The following ANGPTL3 variants were observed in gnomAD, a reference collection of about 807,000 sequenced individuals.
ANGPTL3 encodes the protein angiopoietin-related protein 3.
A neutral mutation model predicts 52.7 loss-of-function variants in ANGPTL3; 51 were observed. That is an observed-to-expected ratio of 0.97 (90% CI 0.77 to 1.22). The LOEUF (loss-of-function observed/expected upper bound fraction) is 1.22, where lower values mean the gene tolerates loss of function less well. Ranked by LOEUF, ANGPTL3 falls within the 50% of genes most tolerant of loss-of-function variation. The pLI is 0.00. For missense variants in ANGPTL3, 506 were observed against 520.7 expected (o/e 0.97, Z 0.27); for synonymous variants, 185 against 179.8 (o/e 1.03, Z -0.23).
At position 62,605,769 on chromosome 1, in the gene ANGPTL3, A is replaced by G. The variant is rs1292343032; in HGVS notation, c.*952A>G. 1.3e-5 allele frequency: 2 copies of G among 152,374 alleles called. No individual in the cohort carries two copies. Among genetic ancestry groups the G allele is most frequent in the East Asian group, 3.8e-4 (2 of 5,198 alleles). The allele number at this position is 152,374 out of a possible 1,614,324, so 9.4% of individuals were successfully genotyped here. On this transcript the variant is annotated 3_prime_UTR_variant, in exon 7 of 7. Transcript: ENST00000371129. ...ATATATGTTTAAAATTCAATAAACA[A>G]AGACCCAGTCCCTAAATTATAGAAA...
At position 62,604,079 on chromosome 1, in the gene ANGPTL3, T is replaced by G; in HGVS notation, c.1042T>G (p.Ser348Ala). ...WKDNKHYIEY[S>A]FYLGNHETNY... ...AGACAACAAACATTATATTGAATAT[T>G]CTTTTTACTTGGGAAATCACGAAAC... Residue 348 changes from serine to alanine, a missense_variant, in exon 6 of 7, where the codon TCT becomes GCT. Ser to Ala is a moderately conservative substitution (Grantham distance 99, BLOSUM62 1). Transcript: ENST00000371129. The G allele has an allele frequency of 6.2e-7, 1 of 1,613,332 alleles. No individual in the cohort carries two copies. Among genetic ancestry groups the G allele is most frequent in the Non-Finnish European group, 8.5e-7 (1 of 1,179,436 alleles).
Position 62,598,038 on chromosome 1 carries a change from C to T in ANGPTL3, c.472C>T (p.His158Tyr), listed in dbSNP as rs1649542440. ...LIQNQPETPEHPEVTSLKTFV... is the reference protein window; with the variant it reads ...LIQNQPETPEYPEVTSLKTFV... ...TCAAAATCAACCTGAAACTCCAGAA[C>T]ACCCAGAAGTAACTTCACTTAAAGT... Residue 158 changes from histidine to tyrosine, a missense_variant, in exon 1 of 7, where the codon CAC (histidine) becomes TAC (tyrosine). Transcript: ENST00000371129. The T allele has an allele frequency of 3.2e-6, 5 of 1,584,796 alleles. No individual in the cohort carries two copies. Among genetic ancestry groups the T allele is most frequent in the Middle Eastern group, 1.7e-4 (1 of 5,828 alleles).
At position 62,600,976 on chromosome 1, in the gene ANGPTL3, C is replaced by T. The variant is rs919333784; in HGVS notation, c.607-106C>T. 8 of 726,258 alleles carry T rather than the reference C, an allele frequency of 1.1e-5. No individual in the cohort carries two copies. In the African/African-American group the frequency reaches 1.2e-4, roughly 11 times the overall value. The allele number at this position is 726,258 out of a possible 1,614,324, so 45.0% of individuals were successfully genotyped here. A position where few individuals can be genotyped will look rare whatever the true frequency, so the allele number is the denominator to read the frequency against. On this transcript the variant is annotated intron_variant, in intron 2 of 6. Transcript: ENST00000371129. ...ATCTAAATATCAAACACCGTTATAA[C>T]ATTATGAACTGAAAGACAAACTGTA...
Position 62,604,785 on chromosome 1 carries a change from A to G in ANGPTL3, c.1351A>G (p.Ile451Val). Reference protein sequence around the residue: ...LYSIKSTKMLIHPTDSESFE With the variant: ...LYSIKSTKMLVHPTDSESFE ...CTCTATAAAATCAACCAAAATGTTGATCCATCCAACAGATTCAGAAAGCTT... is the reference window on the plus strand; with the variant it reads ...CTCTATAAAATCAACCAAAATGTTGGTCCATCCAACAGATTCAGAAAGCTT... Residue 451 changes from isoleucine to valine, a missense_variant, in exon 7 of 7, where the codon ATC becomes GTC. Transcript: ENST00000371129. 6.2e-7 allele frequency: 1 copy of G among 1,613,114 alleles called. No individual in the cohort carries two copies. Among genetic ancestry groups the G allele is most frequent in the Non-Finnish European group, 8.5e-7 (1 of 1,179,324 alleles).
At position 62,601,142 on chromosome 1, in the gene ANGPTL3, C is replaced by T. The variant is rs1232979034; in HGVS notation, c.667C>T (p.Pro223Ser). ...EISLSSKPRA[P>S]RTTPFLQLNE... is the part of the protein sequence containing the mutation. The stretch of plus-strand genomic sequence containing the variant: ...TTCTCTATCTTCCAAGCCAAGAGCA[C>T]CAAGAACTACTCCCTTTCTTCAGTT... The change falls in exon 3 of 7, where the codon CCA (proline) becomes TCA (serine). Residue 223 changes from proline to serine, a missense_variant. Pro to Ser is a moderately conservative substitution (Grantham distance 74, BLOSUM62 -1). Transcript: ENST00000371129. The T allele has an allele frequency of 3.4e-5, 55 of 1,610,896 alleles. No homozygotes were observed. The highest frequency in any genetic ancestry group is 4.3e-5 in the Non-Finnish European group (51 of 1,177,744).
In ANGPTL3 at chr1:62,602,183, C is replaced by T. The variant is rs549019495; in HGVS notation, c.836-102C>T. ...GTATTGCCATAACATTAATAAACTA[C>T]CTTACAAAACCACCAATTAAAATCA... is the stretch of plus-strand genomic sequence containing the variant. On this transcript the variant is annotated intron_variant, in intron 4 of 6. Coordinates refer to ENST00000371129, the MANE Select transcript of ANGPTL3 (RefSeq NM_014495.4). 1.1e-4 allele frequency: 103 copies of T among 939,372 alleles called. No homozygotes were observed. The East Asian group carries it at 1.8e-3, about 17-fold the overall frequency. 58.2% of individuals were successfully genotyped at this position (939,372 alleles called of 1,614,324 possible).
intron 5 of ANGPTL3, among the ~76,000 whole-genome samples, chr1:62,603,726 T>C (rs1650501736): frequency 1.3e-5 from 2 of 151,880 alleles, no homozygotes; most frequent in African/African-American, 4.8e-5. Context: ...ACATGTCTTG[T>C]CATATGCATT....
intron 4 of ANGPTL3, 144 bp from the exon 5 acceptor site, chr1:62,602,141 A>C: frequency 2.8e-6 from 2 of 719,380 alleles, no homozygotes; most frequent in Non-Finnish European, 4.5e-6. Flanking sequence ...TTTTGGGACC[A>C]TAATAAATAA....
intron 5 of ANGPTL3, 55 bp from the exon 6 acceptor site, chr1:62,603,914 T>G (rs1261821697): frequency 3.3e-5 from 51 of 1,558,128 alleles, no homozygotes; most frequent in Non-Finnish European, 4.1e-5. Context: ...AAAAAAACTG[T>G]CAGTGTCCAA....
Position 62,605,075 on chromosome 1 carries a change from C to A in ANGPTL3, c.*258C>A. The A allele has an allele frequency of 2.6e-6, 1 of 386,616 alleles. No homozygotes were observed. The allele number at this position is 386,616 out of a possible 1,614,324, so 23.9% of individuals were successfully genotyped here. ...GGAATCAATTTTAGATGGTCACAAT[C>A]TAGATTATAATCAATAGGTGAACTT... On this transcript the variant is annotated 3_prime_UTR_variant, in exon 7 of 7. Coordinates refer to ENST00000371129, the MANE Select transcript of ANGPTL3 (RefSeq NM_014495.4).
At chr1:62,598,094 G>T in intron 1 of ANGPTL3, 33 bp downstream of exon 1, 1 of 1,525,286 alleles carries the variant, frequency 6.6e-7, no homozygotes, top group Non-Finnish European at 8.8e-7. Context: ...TCATGTTTAT[G>T]TTTTCAATGT....
At chr1:62,600,539 T>C (rs986269012) in intron 2 of ANGPTL3, among the ~76,000 whole-genome samples, 2 of 151,732 alleles carry the variant, frequency 1.3e-5, no homozygotes, top group East Asian at 3.9e-4. Context: ...AAAAATAAAA[T>C]GTTACTGCTA....
intron 6 of ANGPTL3, 142 bp downstream of exon 6, chr1:62,604,377 T>G: frequency 1.9e-6 from 2 of 1,055,438 alleles, no homozygotes; most frequent in Non-Finnish European, 2.7e-6. Context: ...CTCTTAACTA[T>G]AATGAAAGTG....
Position 62,604,346 on chromosome 1 carries a change from G to A in ANGPTL3, c.1198+111G>A, listed in dbSNP as rs72651034. 11,170 of 1,358,104 alleles carry A rather than the reference G, an allele frequency of 8.2e-3. 55 individuals carry two copies. Among genetic ancestry groups the A allele is most frequent in the Non-Finnish European group, 9.3e-3 (9,128 of 978,322 alleles). 84.1% of individuals were successfully genotyped at this position (1,358,104 alleles called of 1,614,324 possible). On this transcript the variant is annotated intron_variant, in intron 6 of 6. Coordinates refer to ENST00000371129, the MANE Select transcript of ANGPTL3 (RefSeq NM_014495.4). ...TTAAAAATCCGAATCCCAAATAAGC[G>A]TTTTCTCTCTAGACGAAAACCTCTT...
intron 5 of ANGPTL3, among the ~76,000 whole-genome samples, chr1:62,603,256 A>C (rs1650423711): frequency 6.6e-6 from 1 of 151,744 alleles, no homozygotes; most frequent in South Asian, 2.1e-4. Context: ...GCAATCCTTA[A>C]AATGAAGCTT....
At chr1:62,598,667 C>G (rs1649648863) in intron 1 of ANGPTL3, 29 bp from the exon 2 acceptor site, 1 of 1,321,610 alleles carries the variant, frequency 7.6e-7, no homozygotes, top group Non-Finnish European at 1.1e-6. Flanking sequence ...AGGAAAGCAA[C>G]TTATAACCAA....
In ANGPTL3 at chr1:62,606,096, G is replaced by A. The variant is rs970750088; in HGVS notation, c.*1279G>A. On this transcript the variant is annotated 3_prime_UTR_variant, in exon 7 of 7. Transcript: ENST00000371129. ...TATAAAAGATATGTATGATCTATGT[G>A]AATCCTAAGTAAATATTTTGTTCCA... is the stretch of plus-strand genomic sequence containing the variant. The A allele has an allele frequency of 3.3e-5, 5 of 151,536 alleles. No individual in the cohort carries two copies. The highest frequency in any genetic ancestry group is 1.2e-4 in the African/African-American group (5 of 41,286). The allele number at this position is 151,536 out of a possible 1,614,324, so 9.4% of individuals were successfully genotyped here.
At chr1:62,598,335 C>T (rs1015367263) in intron 1 of ANGPTL3, among the ~76,000 whole-genome samples, 33 of 151,900 alleles carry the variant, frequency 2.2e-4, no homozygotes, top group African/African-American at 5.3e-4. Flanking sequence ...TATGTCATTA[C>T]ACTATTGTAA....
In ANGPTL3 at chr1:62,605,221, A is replaced by G. The variant is rs1439291874; in HGVS notation, c.*404A>G. On this transcript the variant is annotated 3_prime_UTR_variant, in exon 7 of 7. Coordinates refer to ENST00000371129, the MANE Select transcript of ANGPTL3 (RefSeq NM_014495.4). ...TACTCTTGTTAAAACTCTAAACTTG[A>G]CTAAATACAGAGGACTGGTAATTGT... 1.1e-5 allele frequency: 2 copies of G among 185,864 alleles called. No homozygotes were observed. The highest frequency in any genetic ancestry group is 2.3e-5 in the Non-Finnish European group (2 of 88,684). 11.5% of individuals were successfully genotyped at this position (185,864 alleles called of 1,614,324 possible). A position where few individuals can be genotyped will look rare whatever the true frequency, so the allele number is the denominator to read the frequency against.
Sources: gnomAD v4.1 joint callset for allele counts (sites outside exome capture counted in the v4.1 genomes callset) on GRCh38, gnomAD v4.1.1 for gene constraint, MANE v1.5 for transcripts, NCBI Gene and HGNC (gene_info 2026-07-23, HGNC 2026-07-21) for gene names.